The following KCNT2 variants were observed in gnomAD, a reference collection of about 807,000 sequenced individuals.
KCNT2 encodes potassium sodium-activated channel subfamily T member 2.
A neutral mutation model predicts 153.8 loss-of-function variants in KCNT2; 67 were observed. The observed-to-expected ratio is 0.44, with a 90% CI of 0.36 to 0.53. The LOEUF (loss-of-function observed/expected upper bound fraction) is 0.53, where lower values mean the gene tolerates loss of function less well. KCNT2 is among the 20% of genes least tolerant of loss of function. The pLI, the probability that KCNT2 is intolerant of heterozygous loss-of-function variation, is 0.00. For synonymous variants in KCNT2, 500 were observed against 458.8 expected, an observed-to-expected ratio of 1.09 and a Z score of -1.15; for missense variants, 975 against 1,354.8, an observed-to-expected ratio of 0.72 and a Z score of 4.40.
At chr1:196,343,792 T>A (rs1665892514) in intron 14 of KCNT2, among the ~76,000 whole-genome samples, 1 of 152,116 alleles carries the variant, frequency 6.6e-6, no homozygotes, top group Admixed American at 6.6e-5. Context: ...TTTATTTGTG[T>A]GTTTTTAGAA....
chr1:196,398,551 A>T lies in KCNT2; in HGVS notation c.1294+12T>A. The T allele has an allele frequency of 6.9e-7, 1 of 1,459,322 alleles. No homozygotes were observed. Among genetic ancestry groups the T allele is most frequent in the East Asian group, 2.3e-5 (1 of 43,738 alleles). 90.4% of individuals were successfully genotyped at this position (1,459,322 alleles called of 1,614,324 possible). ...GGAAATTCAATGGATCTCATGCAAG[A>T]TAAAAACTTACCAGCAAATTTGATG... On this transcript the variant is annotated intron_variant, in intron 13 of 27. Transcript: ENST00000294725.
At chr1:196,367,554 A>G (rs988092643) in intron 14 of KCNT2, among the ~76,000 whole-genome samples, 6 of 152,198 alleles carry the variant, frequency 3.9e-5, no homozygotes, top group African/African-American at 1.4e-4. Context: ...TTACATAACT[A>G]ACAGATACAA....
At chr1:196,444,096 A>AAG (rs762728727) in intron 8 of KCNT2, among the ~76,000 whole-genome samples, 54 of 151,100 alleles carry the variant, frequency 3.6e-4, no homozygotes, top group Non-Finnish European at 6.2e-4. Context: ...CAAAAAACAT[A>AAG]AGAGAGAGAG....
At chr1:196,399,719 C>T (rs1002644009) in intron 12 of KCNT2, among the ~76,000 whole-genome samples, 2 of 151,722 alleles carry the variant, frequency 1.3e-5, no homozygotes, top group African/African-American at 4.8e-5. Context: ...TGTTGAAATC[C>T]TACCCTGCAT....
At chr1:196,575,674 G>A (rs988054350) in intron 1 of KCNT2, among the ~76,000 whole-genome samples, 4 of 150,592 alleles carry the variant, frequency 2.7e-5, no homozygotes, top group Non-Finnish European at 4.4e-5. Context: ...TCATTAGCTC[G>A]AACTGTCTTC....
At chr1:196,426,741 G>A (rs10801533) in intron 10 of KCNT2, among the ~76,000 whole-genome samples, 81,984 of 151,124 alleles carry the variant, frequency 0.54, 22,899 homozygotes, top group Middle Eastern at 0.73. Context: ...TTGGATTTGC[G>A]TCCCTGTCCA....
chr1:196,527,777 C>T (rs909201256), intron 1 of KCNT2, among the ~76,000 whole-genome samples: 22 of 152,160 alleles, frequency 1.4e-4, no homozygotes, highest in African/African-American at 5.3e-4. Context: ...TGCTGGTGCA[C>T]AAGAAGGAAC....
At chr1:196,411,236 G>A (rs939388266) in intron 12 of KCNT2, among the ~76,000 whole-genome samples, 4 of 150,846 alleles carry the variant, frequency 2.7e-5, no homozygotes, top group Non-Finnish European at 5.9e-5. Flanking sequence ...GACTATATGT[G>A]CATAGGTTTA....
intron 8 of KCNT2, among the ~76,000 whole-genome samples, chr1:196,436,689 C>G (rs749500227): frequency 1.7e-4 from 26 of 150,986 alleles, no homozygotes; most frequent in Non-Finnish European, 3.4e-4. Context: ...TTGGTGAGTT[C>G]TTATTTTGTG....
intron 27 of KCNT2, among the ~76,000 whole-genome samples, chr1:196,229,613 C>CTTACATAAGT (rs1166386795): frequency 2.0e-5 from 3 of 152,130 alleles, no homozygotes; most frequent in Admixed American, 2.0e-4. Context: ...ACATCAAAAG[C>CTTACATAAGT]TTACATAAGT....
intron 5 of KCNT2, among the ~76,000 whole-genome samples, chr1:196,475,860 G>A (rs552292116): frequency 1.8e-3 from 277 of 152,212 alleles, no homozygotes; most frequent in African/African-American, 6.0e-3. Flanking sequence ...TGTTTTCTCT[G>A]TAACACACTG....
At chr1:196,573,888 G>A (rs2148957014) in intron 1 of KCNT2, among the ~76,000 whole-genome samples, 1 of 151,970 alleles carries the variant, frequency 6.6e-6, no homozygotes, top group Non-Finnish European at 1.5e-5. Flanking sequence ...TTAGAGGACT[G>A]CAAATAAGTT....
chr1:196,558,294 A>G (rs898868654), intron 1 of KCNT2, among the ~76,000 whole-genome samples: 4 of 151,522 alleles, frequency 2.6e-5, no homozygotes, highest in African/African-American at 7.2e-5. Context: ...TCAAATAATT[A>G]AATCTAGAAA....
At chr1:196,474,119 A>G (rs1364354796) in intron 5 of KCNT2, among the ~76,000 whole-genome samples, 1 of 152,268 alleles carries the variant, frequency 6.6e-6, no homozygotes, top group East Asian at 1.9e-4. Context: ...CATCATTTTT[A>G]ACCAATAATA....
chr1:196,271,101 C>G (rs986315771), intron 25 of KCNT2, among the ~76,000 whole-genome samples: 1 of 151,722 alleles, frequency 6.6e-6, no homozygotes, highest in Non-Finnish European at 1.5e-5. Context: ...ATCTGAGAAC[C>G]AATGGATAAA....
chr1:196,266,682 C>T (rs549313718), intron 25 of KCNT2, among the ~76,000 whole-genome samples: 3 of 152,274 alleles, frequency 2.0e-5, no homozygotes, highest in East Asian at 1.9e-4. Flanking sequence ...ATAGTCACCA[C>T]TGCTTCTCCT....
intron 1 of KCNT2, among the ~76,000 whole-genome samples, chr1:196,496,164 C>T (rs965086818): frequency 4.6e-5 from 7 of 151,882 alleles, no homozygotes; most frequent in Admixed American, 2.0e-4. Context: ...AGCTTCTTTG[C>T]GACTTTAAGA....
chr1:196,377,065 GAGA>G (rs1203562607), intron 13 of KCNT2, among the ~76,000 whole-genome samples: 4 of 152,082 alleles, frequency 2.6e-5, no homozygotes, highest in African/African-American at 9.6e-5. Flanking sequence ...GTGGTGGTCA[GAGA>G]AGGACACACT....
At chr1:196,320,513 A>C (rs908355927) in intron 19 of KCNT2, among the ~76,000 whole-genome samples, 6 of 151,794 alleles carry the variant, frequency 4.0e-5, no homozygotes, top group Admixed American at 2.0e-4. Context: ...ATTTAATTTG[A>C]ATGTTAAAGG....
Sources: allele counts gnomAD v4.1 joint callset (sites outside exome capture counted in the v4.1 genomes callset), GRCh38; gene constraint gnomAD v4.1.1; transcripts MANE v1.5; gene names NCBI Gene and HGNC (gene_info 2026-07-23, HGNC 2026-07-21).